The following PDE5A variants were observed in gnomAD, a reference collection of about 807,000 sequenced individuals.
PDE5A encodes the protein phosphodiesterase 5A.
In PDE5A, 67 loss-of-function variants were observed where a neutral mutation model predicts 110.2. That is an observed-to-expected ratio of 0.61 (90% confidence interval 0.50 to 0.75). PDE5A has a LOEUF of 0.75. PDE5A is among the 30% of genes least tolerant of loss of function. PDE5A has a pLI of 0.00. For synonymous variants in PDE5A, 328 were observed against 351.2 expected (o/e 0.93, Z 0.74); for missense variants, 862 against 1,045.1 (o/e 0.82, Z 2.42).
chr4:119,562,163 GGGGCCCTGA>G (rs1727765812), intron 6 of PDE5A, among the ~76,000 whole-genome samples: 1 of 152,216 alleles, frequency 6.6e-6, no homozygotes, highest in South Asian at 2.1e-4. Flanking sequence ...CCTTAGGCCA[GGGGCCCTGA>G]TTCTACTGGC....
intron 3 of PDE5A, among the ~76,000 whole-genome samples, chr4:119,568,072 C>G (rs917473069): frequency 5.9e-5 from 9 of 151,848 alleles, no homozygotes; most frequent in Admixed American, 3.3e-4. Flanking sequence ...GATAGCAGAA[C>G]AAGGAAGGGG....
chr4:119,591,447 G>A (rs543537811), intron 3 of PDE5A, among the ~76,000 whole-genome samples: 4 of 152,270 alleles, frequency 2.6e-5, no homozygotes, highest in Non-Finnish European at 4.4e-5. Flanking sequence ...GCAACTAAGT[G>A]GTAAAGATGG....
At chr4:119,615,617 AAAAAAAAAAAAG>A (rs1374112291) in intron 1 of PDE5A, among the ~76,000 whole-genome samples, 2 of 710 alleles carry the variant, frequency 2.8e-3, no homozygotes, top group Non-Finnish European at 0.011. Flanking sequence ...ACTAAGTTCA[AAAAAAAAAAAAG>A]AAAAAAAAAA....
In PDE5A at chr4:119,498,620, C is replaced by T. The variant is rs201689484; in HGVS notation, c.2609G>A (p.Gly870Asp). The T allele has an allele frequency of 3.7e-6, 6 of 1,613,992 alleles. No individual in the cohort carries two copies. In the East Asian group the frequency reaches 1.1e-4, roughly 30 times the overall value. ...QEKMLINGES[G>D]QAKRN ...GGCCACTCAGTTCCGCTTGGCCTGGCCGCTTTCCCCATTAATCAGCATCTT... is the reference window on the plus strand; with the variant it reads ...GGCCACTCAGTTCCGCTTGGCCTGGTCGCTTTCCCCATTAATCAGCATCTT... Residue 870 changes from glycine (G) to aspartate (D), a missense_variant, in exon 21 of 21, where the codon GGC becomes GAC. Coordinates refer to ENST00000354960, the MANE Select transcript of PDE5A (RefSeq NM_001083.4).
chr4:119,615,615 C>CAAA (rs56177504), intron 1 of PDE5A, among the ~76,000 whole-genome samples: 1 of 130,350 alleles, frequency 7.7e-6, no homozygotes, highest in Non-Finnish European at 1.7e-5. Flanking sequence ...CTACTAAGTT[C>CAAA]AAAAAAAAAA....
chr4:119,548,044 A>ATT (rs11438089), intron 9 of PDE5A, among the ~76,000 whole-genome samples: 42,297 of 94,844 alleles, frequency 0.45, 10,896 homozygotes, highest in South Asian at 0.63. Context: ...TTCTCCGTGT[A>ATT]TTTTTTTTTT....
intron 1 of PDE5A, among the ~76,000 whole-genome samples, chr4:119,612,377 T>G (rs1484058393): frequency 6.6e-6 from 1 of 152,192 alleles, no homozygotes; most frequent in Non-Finnish European, 1.5e-5. Flanking sequence ...TAAAAGTACA[T>G]GGTACCTCCC....
chr4:119,612,114 T>C (rs1229762906), intron 1 of PDE5A, among the ~76,000 whole-genome samples: 1 of 152,222 alleles, frequency 6.6e-6, no homozygotes, highest in Non-Finnish European at 1.5e-5. Flanking sequence ...AATTCTTCTC[T>C]TGAACCCTAA....
chr4:119,512,790 A>C (rs1321466687), intron 14 of PDE5A: 1 of 152,104 alleles, frequency 6.6e-6, no homozygotes, highest in Non-Finnish European at 1.5e-5. Context: ...GACTAGCTGA[A>C]TGTTGGATCT....
chr4:119,554,249 C>CT (rs551460671), intron 7 of PDE5A, among the ~76,000 whole-genome samples: 4 of 152,114 alleles, frequency 2.6e-5, no homozygotes, highest in Non-Finnish European at 4.4e-5. Context: ...CTCCTTCTGT[C>CT]TTTTTGTCGT....
At chr4:119,507,514 G>T in intron 16 of PDE5A, 90 bp downstream of exon 16, 1 of 855,592 alleles carries the variant, frequency 1.2e-6, no homozygotes. Context: ...GGACATTTCT[G>T]CTTTGAAATT....
At position 119,525,824 on chromosome 4, in the gene PDE5A, A is replaced by G; in HGVS notation, c.1633-129T>C. On this transcript the variant is annotated intron_variant, in intron 11 of 20. Coordinates refer to ENST00000354960, the MANE Select transcript of PDE5A (RefSeq NM_001083.4). The surrounding 1 kb of genome is among the most constrained non-coding windows in gnomAD (Gnocchi z 4.3). ...TTTTTCCTTTTTAATGAAAGACACT[A>G]GAAACCTTTTTGTACAGTGGCAACT... 2.3e-6 allele frequency: 2 copies of G among 855,102 alleles called. No homozygotes were observed. The highest frequency in any genetic ancestry group is 3.5e-6 in the Non-Finnish European group (2 of 567,594). 53.0% of individuals were successfully genotyped at this position (855,102 alleles called of 1,614,324 possible). A position where few individuals can be genotyped will look rare whatever the true frequency, so the allele number is the denominator to read the frequency against.
chr4:119,518,954 G>T, intron 14 of PDE5A, 91 bp downstream of exon 14: 1 of 795,436 alleles, frequency 1.3e-6, no homozygotes, highest in South Asian at 1.6e-5. Flanking sequence ...ATGGGACCTT[G>T]ACCATCAAAT....
intron 9 of PDE5A, among the ~76,000 whole-genome samples, chr4:119,546,145 A>G (rs1342335578): frequency 1.3e-5 from 2 of 152,128 alleles, no homozygotes; most frequent in Admixed American, 6.6e-5. Flanking sequence ...TTGGAGTCTT[A>G]TAACATCTGA....
At chr4:119,508,743 A>T (rs1725642132) in intron 15 of PDE5A, among the ~76,000 whole-genome samples, 1 of 152,064 alleles carries the variant, frequency 6.6e-6, no homozygotes, top group South Asian at 2.1e-4. Flanking sequence ...CTTTAAGATA[A>T]AACAATTTCA....
chr4:119,622,122 C>T (rs1036242584), intron 1 of PDE5A, among the ~76,000 whole-genome samples: 1 of 151,124 alleles, frequency 6.6e-6, no homozygotes, highest in Non-Finnish European at 1.5e-5. Flanking sequence ...TGTGGTGAGC[C>T]GAGATCACGC....
chr4:119,564,599 T>A (rs1225554139), intron 5 of PDE5A, among the ~76,000 whole-genome samples: 1 of 151,946 alleles, frequency 6.6e-6, no homozygotes, highest in Admixed American at 6.6e-5. Context: ...GGATGCCTAA[T>A]ATAATGGAGT....
chr4:119,568,251 A>ACATG (rs1728016297), intron 3 of PDE5A, among the ~76,000 whole-genome samples: 1 of 151,778 alleles, frequency 6.6e-6, no homozygotes, highest in Non-Finnish European at 1.5e-5. Flanking sequence ...TCTTATTTTT[A>ACATG]CATGCTCTTT....
At chr4:119,625,069 G>A (rs993837301) in intron 1 of PDE5A, among the ~76,000 whole-genome samples, 5 of 149,062 alleles carry the variant, frequency 3.4e-5, no homozygotes, top group African/African-American at 1.2e-4. Context: ...GGAGTATAGT[G>A]GAGCAATCTT....
Sources: gnomAD v4.1 joint callset for allele counts (sites outside exome capture counted in the v4.1 genomes callset) on GRCh38, gnomAD v4.1.1 for gene constraint, Gnocchi (gnomAD v3.1) non-coding constraint, MANE v1.5 for transcripts, NCBI Gene and HGNC (gene_info 2026-07-23, HGNC 2026-07-21) for gene names.